Variants in TRPV3 observed in about 807,000 individuals in gnomAD.
TRPV3 encodes transient receptor potential cation channel subfamily V member 3, also known as VRL-3.
A neutral mutation model predicts 87.1 loss-of-function variants in TRPV3; 88 were observed. That is an observed-to-expected ratio of 1.01 (90% CI 0.85 to 1.21). TRPV3 has a LOEUF of 1.21. Among genes scored for constraint, TRPV3 ranks in the 50% most tolerant of loss-of-function variants. The pLI, the probability that TRPV3 is intolerant of heterozygous loss-of-function variation, is 0.00. For synonymous variants in TRPV3, 438 were observed against 423.3 expected, an observed-to-expected ratio of 1.03 and a Z score of -0.43; for missense variants, 1,054 against 1,030.1, an observed-to-expected ratio of 1.02 and a Z score of -0.32.
rs953783888 is a variant in TRPV3, at chr17:3,530,226, C to T, written c.1066-23G>A. 2 of 1,599,740 alleles carry T rather than the reference C, an allele frequency of 1.3e-6. No individual in the cohort carries two copies. Among genetic ancestry groups the T allele is most frequent in the Non-Finnish European group, 1.7e-6 (2 of 1,171,840 alleles). On this transcript the variant is annotated intron_variant, in intron 8 of 17. Coordinates refer to ENST00000576742, the MANE Select transcript of TRPV3 (RefSeq NM_145068.4). This position sits in a 1 kb window ranked among gnomAD's most constrained non-coding sequence, Gnocchi z 4.0. ...GATCTGGGACAGGAGGAGGAACAAC[C>T]ATCAGCTGCAGAACAGGGGCTTAAG...
At chr17:3,539,957 C>T (rs940826285) in intron 6 of TRPV3, among the ~76,000 whole-genome samples, 1 of 151,896 alleles carries the variant, frequency 6.6e-6, no homozygotes, top group Non-Finnish European at 1.5e-5. Context: ...TGCCTGTAGT[C>T]CCAGCTACTT....
intron 8 of TRPV3, among the ~76,000 whole-genome samples, chr17:3,532,285 C>T (rs766409647): frequency 6.6e-5 from 10 of 152,250 alleles, no homozygotes; most frequent in Non-Finnish European, 1.0e-4. Context: ...GCGCTGCGCC[C>T]GCAGCAGCCA....
chr17:3,514,093 T>C, intron 17 of TRPV3, 82 bp from the exon 18 acceptor site: 1 of 1,279,370 alleles, frequency 7.8e-7, no homozygotes, highest in Non-Finnish European at 1.1e-6. Context: ...TTTTTTCTTT[T>C]TTGAGATGGA....
At chr17:3,555,873 AC>A (rs993978410) in intron 1 of TRPV3, among the ~76,000 whole-genome samples, 51 of 152,296 alleles carry the variant, frequency 3.3e-4, no homozygotes, top group African/African-American at 1.2e-3. Context: ...GTCCTCGAAC[AC>A]CGCATAAGAG....
chr17:3,540,652 A>G (rs1053287421), intron 6 of TRPV3, among the ~76,000 whole-genome samples: 9 of 152,246 alleles, frequency 5.9e-5, no homozygotes, highest in Non-Finnish European at 1.0e-4. Flanking sequence ...CAAGGGAAAC[A>G]TGTTGCTAGC....
intron 6 of TRPV3, among the ~76,000 whole-genome samples, chr17:3,537,887 CTT>C (rs68078112): frequency 0.12 from 13,158 of 108,120 alleles, 1,419 homozygotes; most frequent in Middle Eastern, 0.17. Context: ...AAGACTCTGT[CTT>C]TTTAAAAAAA....
chr17:3,545,565 C>A (rs2074515986), intron 2 of TRPV3, among the ~76,000 whole-genome samples: 1 of 152,100 alleles, frequency 6.6e-6, no homozygotes, highest in Admixed American at 6.5e-5. Context: ...TGAGGACACA[C>A]CCGGGAAGAA....
chr17:3,525,962 C>T (rs530219048), intron 12 of TRPV3, among the ~76,000 whole-genome samples: 1 of 152,244 alleles, frequency 6.6e-6, no homozygotes, highest in South Asian at 2.1e-4. Context: ...CATACAAAAT[C>T]AATATCTACT....
rs1010635291 is a variant in TRPV3, at chr17:3,524,369, C to G, written c.1578-6G>C. On this transcript the variant is annotated splice_region_variant and splice_polypyrimidine_tract_variant and intron_variant, in intron 12 of 17. Transcript: ENST00000576742. ...CAAGCACAGCTTGGATAAAACTGTT[C>G]AGGAGACACAGGAGACACGGGCCTT... The G allele has an allele frequency of 6.8e-6, 11 of 1,613,424 alleles. No individual in the cohort carries two copies. The highest frequency in any genetic ancestry group is 9.3e-6 in the Non-Finnish European group (11 of 1,179,690).
At position 3,516,118 on chromosome 17, in the gene TRPV3, G is replaced by A. The variant is rs8080264; in HGVS notation, c.2198+339C>T. On this transcript the variant is annotated intron_variant, in intron 16 of 17. Transcript: ENST00000576742. ...GGAGAATCACTTGAACCCGGGAGGC[G>A]GAGGTTGCAATGAGCCAAGATTGCG... is the stretch of plus-strand genomic sequence containing the variant. Among the ~76,000 whole-genome samples the A allele has an allele frequency of 0.84, 127,323 of 151,996 alleles. 54,602 individuals are homozygous for A. Among genetic ancestry groups the A allele is most frequent in the East Asian group, 0.99 (5,132 of 5,178 alleles).
At chr17:3,535,856 CTT>C in intron 6 of TRPV3, 143 bp from the exon 7 acceptor site, 1 of 1,076,102 alleles carries the variant, frequency 9.3e-7, no homozygotes, top group Non-Finnish European at 1.2e-6. Context: ...GGAATCCCAG[CTT>C]TGTTCTTTGC....
rs1015007313 is a variant in TRPV3 at position 3,556,101 on chromosome 17, C to T, written c.-2-1249G>A. 2.7e-5 allele frequency among the ~76,000 whole-genome samples: 4 copies of T among 150,928 alleles called. No homozygotes were observed. Among genetic ancestry groups the T allele is most frequent in the Non-Finnish European group, 5.9e-5 (4 of 67,926 alleles). On this transcript the variant is annotated intron_variant, in intron 1 of 17. Coordinates refer to ENST00000576742, the MANE Select transcript of TRPV3 (RefSeq NM_145068.4). The surrounding 1 kb of genome is among the most constrained non-coding windows in gnomAD (Gnocchi z 4.2). ...CTGAGGCAGGAGAATCACTTGAATCCAGGAGGCAGAGGTTGGATTGAGCCG... is the reference window on the plus strand; with the variant it reads ...CTGAGGCAGGAGAATCACTTGAATCTAGGAGGCAGAGGTTGGATTGAGCCG...
At chr17:3,553,037 C>G (rs931635380) in intron 2 of TRPV3, 4 of 152,374 alleles carry the variant, frequency 2.6e-5, no homozygotes, top group African/African-American at 9.6e-5. Context: ...CATTTCACAA[C>G]TGAATTTGGC....
intron 7 of TRPV3, among the ~76,000 whole-genome samples, chr17:3,534,211 C>T (rs1357555977): frequency 2.6e-5 from 4 of 152,044 alleles, no homozygotes; most frequent in Non-Finnish European, 4.4e-5. Context: ...CACCTGGACA[C>T]GCAGGGCTGC....
At chr17:3,540,088 T>C (rs1024248707) in intron 6 of TRPV3, among the ~76,000 whole-genome samples, 1 of 148,592 alleles carries the variant, frequency 6.7e-6, no homozygotes, top group African/African-American at 2.5e-5. Flanking sequence ...AATAAATAAA[T>C]AAATAAACAA....
At chr17:3,522,232 T>C (rs1434254391) in intron 13 of TRPV3, among the ~76,000 whole-genome samples, 2 of 152,302 alleles carry the variant, frequency 1.3e-5, no homozygotes, top group Admixed American at 6.5e-5. Flanking sequence ...TCTAGAGCGA[T>C]GTGGATCTGC....
chr17:3,525,159 A>G (rs1358073610), intron 12 of TRPV3, among the ~76,000 whole-genome samples: 1 of 150,218 alleles, frequency 6.7e-6, no homozygotes, highest in Non-Finnish European at 1.5e-5. Flanking sequence ...AGCTGGGATT[A>G]CAGGCACCCG....
intron 12 of TRPV3, among the ~76,000 whole-genome samples, chr17:3,525,096 T>C (rs991551003): frequency 6.6e-6 from 1 of 152,204 alleles, no homozygotes; most frequent in Non-Finnish European, 1.5e-5. Context: ...CTCTGCTCAC[T>C]GCAACCTCCG....
intron 2 of TRPV3, among the ~76,000 whole-genome samples, chr17:3,549,169 C>T (rs548009402): frequency 2.0e-5 from 3 of 152,312 alleles, no homozygotes; most frequent in Non-Finnish European, 4.4e-5. Flanking sequence ...CAGCTTTTTC[C>T]CCAAGAATGT....
Sources: gnomAD v4.1 joint callset for allele counts (sites outside exome capture counted in the v4.1 genomes callset) on GRCh38, gnomAD v4.1.1 for gene constraint, Gnocchi (gnomAD v3.1) non-coding constraint, MANE v1.5 for transcripts, NCBI Gene and HGNC (gene_info 2026-07-23, HGNC 2026-07-21) for gene names.